The following CRPPA variants were observed in gnomAD, a reference collection of about 807,000 sequenced individuals.
CRPPA encodes D-ribitol-5-phosphate cytidylyltransferase.
CRPPA carries 43 observed loss-of-function variants against 52.0 expected under a neutral mutation model. The ratio of observed to expected loss-of-function variants is 0.83; its 90% CI spans 0.65 to 1.07. The LOEUF (loss-of-function observed/expected upper bound fraction) is 1.07, where lower values mean the gene tolerates loss of function less well. CRPPA is among the 50% of genes least tolerant of loss of function. The pLI is 0.00. For synonymous variants in CRPPA, 250 were observed against 203.5 expected, an observed-to-expected ratio of 1.23 and a Z score of -1.94; for missense variants, 629 against 551.7, an observed-to-expected ratio of 1.14 and a Z score of -1.40.
chr7:16,384,548 G>C (rs1335905597), intron 2 of CRPPA, among the ~76,000 whole-genome samples: 1 of 152,228 alleles, frequency 6.6e-6, no homozygotes, highest in African/African-American at 2.4e-5. Context: ...AATGAGTGTA[G>C]CTTAACAGCT....
At chr7:16,094,227 T>G (rs549796039) in intron 9 of CRPPA, among the ~76,000 whole-genome samples, 1 of 152,322 alleles carries the variant, frequency 6.6e-6, no homozygotes, top group East Asian at 1.9e-4. Flanking sequence ...TATGTCATTC[T>G]ACTGAACATT....
At chr7:16,267,091 T>G (rs1484642961) in intron 6 of CRPPA, among the ~76,000 whole-genome samples, 1 of 152,176 alleles carries the variant, frequency 6.6e-6, no homozygotes, top group South Asian at 2.1e-4. Flanking sequence ...ACAAATCCTA[T>G]CTGTCTTAAT....
At chr7:16,218,233 G>A (rs1782387213) in intron 8 of CRPPA, among the ~76,000 whole-genome samples, 2 of 136,614 alleles carry the variant, frequency 1.5e-5, no homozygotes, top group African/African-American at 2.7e-5. Context: ...TTACAGACAA[G>A]CAAATGCTGA....
In CRPPA at chr7:16,091,591, T is replaced by C. The variant is rs1583348830; in HGVS notation, c.*104A>G. The stretch of plus-strand genomic sequence containing the variant: ...CATCCTACAAATTATAGAGAAGATA[T>C]AAAAGACAACTGAAACATTCTACCA... On this transcript the variant is annotated 3_prime_UTR_variant, in exon 10 of 10. Coordinates refer to ENST00000407010, the MANE Select transcript of CRPPA (RefSeq NM_001101426.4). The C allele has an allele frequency of 4.6e-6, 3 of 646,874 alleles. No homozygotes were observed. The East Asian group carries it at 9.1e-5, about 20-fold the overall frequency. The allele number at this position is 646,874 out of a possible 1,614,324, so 40.1% of individuals were successfully genotyped here. A position where few individuals can be genotyped will look rare whatever the true frequency, so the allele number is the denominator to read the frequency against.
chr7:16,371,175 T>C (rs1004388967), intron 3 of CRPPA, among the ~76,000 whole-genome samples: 1 of 152,140 alleles, frequency 6.6e-6, no homozygotes, highest in African/African-American at 2.4e-5. Context: ...CTGCCCACCA[T>C]TGAGTATTAC....
chr7:16,218,050 G>C (rs1260851400), intron 8 of CRPPA, among the ~76,000 whole-genome samples: 1 of 151,754 alleles, frequency 6.6e-6, no homozygotes, highest in Non-Finnish European at 1.5e-5. Flanking sequence ...AGAAAGGTCG[G>C]GTTACCCTCA....
chr7:16,377,759 G>A lies in CRPPA; in HGVS notation c.535-1518C>T, dbSNP rs115687797. ...AGAGTAGGTATGGCTAAAAAGATAC[G>A]GCCCCCTCACCCCAAGTTCCCAGTA... is the stretch of plus-strand genomic sequence containing the variant. On this transcript the variant is annotated intron_variant, in intron 2 of 9. Transcript: ENST00000407010. Among the ~76,000 whole-genome samples, 500 of 152,154 alleles carry A rather than the reference G, an allele frequency of 3.3e-3. 3 individuals are homozygous for A. The highest frequency in any genetic ancestry group is 0.011 in the African/African-American group (474 of 41,540).
chr7:16,242,867 C>A (rs561804922), intron 8 of CRPPA, among the ~76,000 whole-genome samples: 2 of 152,240 alleles, frequency 1.3e-5, no homozygotes, highest in East Asian at 3.9e-4. Context: ...TAAAAGACTG[C>A]ATAGAATCAT....
At chr7:16,366,851 G>C (rs1004709163) in intron 3 of CRPPA, among the ~76,000 whole-genome samples, 4 of 149,976 alleles carry the variant, frequency 2.7e-5, no homozygotes, top group Admixed American at 1.3e-4. Context: ...ACCGTGAAGA[G>C]ATAAACACTT....
rs183198036 is a variant in CRPPA, at chr7:16,332,096, G to A, written c.685-23469C>T. Among the ~76,000 whole-genome samples the A allele has an allele frequency of 8.5e-5, 13 of 152,280 alleles. No homozygotes were observed. The East Asian group carries it at 2.3e-3, about 27-fold the overall frequency. Reference sequence around the variant, plus strand: ...GGGAATCAACACCTTACCTATAGAAGGGCAAGGATAATTACATCTGTCTTC... The same window carrying A: ...GGGAATCAACACCTTACCTATAGAAAGGCAAGGATAATTACATCTGTCTTC... On this transcript the variant is annotated intron_variant, in intron 3 of 9. Coordinates refer to ENST00000407010, the MANE Select transcript of CRPPA (RefSeq NM_001101426.4).
In CRPPA at chr7:16,390,127, C is replaced by T. The variant is rs144962979; in HGVS notation, c.535-13886G>A. ...TGGCTTCTAATGGCCAATGTCTCTACTTAGCTACTTTTACCCATTCCCTCT... is the reference window on the plus strand; with the variant it reads ...TGGCTTCTAATGGCCAATGTCTCTATTTAGCTACTTTTACCCATTCCCTCT... On this transcript the variant is annotated intron_variant, in intron 2 of 9. Coordinates refer to ENST00000407010, the MANE Select transcript of CRPPA (RefSeq NM_001101426.4). Among the ~76,000 whole-genome samples, 448 of 151,666 alleles carry T rather than the reference C, an allele frequency of 3.0e-3. 2 individuals carry two copies. Among genetic ancestry groups the T allele is most frequent in the African/African-American group, 9.8e-3 (406 of 41,334 alleles).
At chr7:16,367,423 G>C (rs1786630182) in intron 3 of CRPPA, among the ~76,000 whole-genome samples, 1 of 152,136 alleles carries the variant, frequency 6.6e-6, no homozygotes, top group Admixed American at 6.6e-5. Flanking sequence ...GTAATGCTTG[G>C]TGAATATAAA....
intron 9 of CRPPA, among the ~76,000 whole-genome samples, chr7:16,141,374 C>A (rs1045312339): frequency 6.6e-6 from 1 of 152,076 alleles, no homozygotes; most frequent in Non-Finnish European, 1.5e-5. Flanking sequence ...TTATCAAGAA[C>A]CATTTTTTCC....
intron 4 of CRPPA, 78 bp from the exon 5 acceptor site, chr7:16,301,544 A>G: frequency 9.6e-7 from 1 of 1,041,912 alleles, no homozygotes; most frequent in Non-Finnish European, 1.5e-6. Flanking sequence ...CCCCCAAGGA[A>G]ATTCTTGATT....
rs529992852 is a variant in CRPPA at position 16,378,200 on chromosome 7, G to A, written c.535-1959C>T. On this transcript the variant is annotated intron_variant, in intron 2 of 9. Transcript: ENST00000407010. ...ACGTATACATGTGCCATGCTGGTGC[G>A]CTGTACCCATTAACTTGTTATTTAG... 7.9e-5 allele frequency among the ~76,000 whole-genome samples: 12 copies of A among 151,256 alleles called. No homozygotes were observed. The South Asian group carries it at 1.5e-3, about 18-fold the overall frequency.
chr7:16,172,410 G>T (rs1299751385), intron 9 of CRPPA, among the ~76,000 whole-genome samples: 3 of 152,248 alleles, frequency 2.0e-5, no homozygotes, highest in Non-Finnish European at 4.4e-5. Flanking sequence ...GAGGGCCCGT[G>T]TGTCCTGCAA....
At chr7:16,214,490 G>C (rs1782248268) in intron 9 of CRPPA, among the ~76,000 whole-genome samples, 1 of 152,032 alleles carries the variant, frequency 6.6e-6, no homozygotes, top group African/African-American at 2.4e-5. Context: ...AATAATCTGA[G>C]TACAAACAAA....
At chr7:16,220,862 A>G (rs1340573251) in intron 8 of CRPPA, among the ~76,000 whole-genome samples, 1 of 152,228 alleles carries the variant, frequency 6.6e-6, no homozygotes, top group Non-Finnish European at 1.5e-5. Flanking sequence ...GAAAACGGCC[A>G]TACTGCCCAA....
rs540065536 is a variant in CRPPA, at chr7:16,351,911, G to A, written c.684+24181C>T. Among the ~76,000 whole-genome samples the A allele has an allele frequency of 3.9e-5, 6 of 152,122 alleles. No individual in the cohort carries two copies. In the South Asian group the frequency reaches 1.2e-3, roughly 32 times the overall value. On this transcript the variant is annotated intron_variant, in intron 3 of 9. Transcript: ENST00000407010. ...CATTTGACCCAACAATCCCATTACT[G>A]GATATACACTCAAAGGATTACAAAT...
Sources: allele counts gnomAD v4.1 joint callset (sites outside exome capture counted in the v4.1 genomes callset), GRCh38; gene constraint gnomAD v4.1.1; transcripts MANE v1.5; gene names NCBI Gene and HGNC (gene_info 2026-07-23, HGNC 2026-07-21).